LOC400499: variants seen among roughly 807,000 people sequenced by gnomAD.
chr16:11,403,808 G>A, the LOC400499 span, among the ~76,000 whole-genome samples: 2 of 151,522 alleles, frequency 1.3e-5, no homozygotes, highest in Non-Finnish European at 3.0e-5. Context: ...TGTTGGCGCT[G>A]TGTCGGCACT....
At chr16:11,439,552 G>A in the LOC400499 span, 84 of 399,192 alleles carry the variant, frequency 2.1e-4, no homozygotes, top group African/African-American at 1.5e-3. Flanking sequence ...ATGCAAAGTC[G>A]GAGTCAGATC....
chr16:11,412,836 C>G, the LOC400499 span: 1 of 399,126 alleles, frequency 2.5e-6, no homozygotes, highest in Non-Finnish European at 4.4e-6. Flanking sequence ...GGGGGCCCCC[C>G]TCACCTGACT....
chr16:11,396,403 T>C, the LOC400499 span: 2 of 1,069,818 alleles, frequency 1.9e-6, no homozygotes, highest in Non-Finnish European at 2.4e-6. Flanking sequence ...AGATAGCCAC[T>C]AGATGGCGGG....
chr16:11,373,529 G>T, the LOC400499 span, among the ~76,000 whole-genome samples: 1 of 151,418 alleles, frequency 6.6e-6, no homozygotes, highest in Non-Finnish European at 1.5e-5. Flanking sequence ...AGACGGGGTT[G>T]GGCCAGGCTG....
the LOC400499 span, chr16:11,493,751 T>C: frequency 1.3e-5 from 5 of 392,536 alleles, no homozygotes; most frequent in Non-Finnish European, 2.2e-5. Flanking sequence ...GTGAGAGCCA[T>C]GGCTGCCAAG....
the LOC400499 span, chr16:11,435,852 C>A: frequency 1.0e-5 from 4 of 399,158 alleles, no homozygotes; most frequent in Admixed American, 1.8e-4. Context: ...AGGCTGCGCA[C>A]TCTGTAGCGC....
the LOC400499 span, chr16:11,424,395 C>G: frequency 2.5e-6 from 1 of 399,174 alleles, no homozygotes; most frequent in East Asian, 3.6e-5. Flanking sequence ...AGAGACCACT[C>G]ACCCCAGTCC....
the LOC400499 span, among the ~76,000 whole-genome samples, chr16:11,413,137 C>T: frequency 6.6e-6 from 1 of 152,194 alleles, no homozygotes; most frequent in Admixed American, 6.5e-5. Flanking sequence ...GCCCCTATTG[C>T]AGCTCAGGTT....
the LOC400499 span, chr16:11,491,652 C>A: frequency 2.7e-6 from 1 of 363,792 alleles, no homozygotes; most frequent in Non-Finnish European, 4.9e-6. Flanking sequence ...GGTGCCCTCC[C>A]AGCCCCACCC....
At chr16:11,401,577 A>G in the LOC400499 span, among the ~76,000 whole-genome samples, 1 of 152,232 alleles carries the variant, frequency 6.6e-6, no homozygotes, top group Admixed American at 6.5e-5. Flanking sequence ...TCCATTTCAC[A>G]GAGGAGGAAA....
the LOC400499 span, chr16:11,488,987 C>T: frequency 2.5e-6 from 1 of 396,056 alleles, no homozygotes; most frequent in Admixed American, 4.4e-5. Context: ...CGCACGGGGG[C>T]TTCTCAGGAG....
At chr16:11,428,149 G>T in the LOC400499 span, among the ~76,000 whole-genome samples, 1 of 152,190 alleles carries the variant, frequency 6.6e-6, no homozygotes, top group African/African-American at 2.4e-5. Context: ...CTAAACTAGG[G>T]GTGGATTATT....
chr16:11,413,036 T>A, the LOC400499 span: 1 of 398,048 alleles, frequency 2.5e-6, no homozygotes, highest in Non-Finnish European at 4.4e-6. Flanking sequence ...CCAGCCGAGC[T>A]CTATAGCCCA....
At chr16:11,476,420 G>C in the LOC400499 span, among the ~76,000 whole-genome samples, 2 of 151,978 alleles carry the variant, frequency 1.3e-5, no homozygotes, top group Non-Finnish European at 2.9e-5. Flanking sequence ...GTCCCTGTCA[G>C]ACACGCCCAC....
chr16:11,462,275 C>A, the LOC400499 span: 25 of 1,511,050 alleles, frequency 1.7e-5, no homozygotes, highest in Non-Finnish European at 2.2e-5. Context: ...AGCCTCGCCA[C>A]CCATGGCTGG....
the LOC400499 span, chr16:11,514,500 G>T: frequency 2.5e-6 from 1 of 399,642 alleles, no homozygotes; most frequent in East Asian, 3.6e-5. Context: ...ACTCCGGCCC[G>T]GAAGCTCTGG....
chr16:11,469,541 G>A, the LOC400499 span: 4 of 399,070 alleles, frequency 1.0e-5, no homozygotes, highest in Non-Finnish European at 1.8e-5. Context: ...GGATGGAGAA[G>A]CTTGAGCCGG....
chr16:11,383,794 G>A, the LOC400499 span: 1 of 1,232,170 alleles, frequency 8.1e-7, no homozygotes, highest in South Asian at 4.1e-5. Context: ...CTGAAATCAG[G>A]GACACCGAGT....
chr16:11,411,525 G>C, the LOC400499 span, among the ~76,000 whole-genome samples: 1 of 152,212 alleles, frequency 6.6e-6, no homozygotes, highest in Non-Finnish European at 1.5e-5. Context: ...CTGGACTCTG[G>C]AGCCAAGTTA....
Sources: allele counts gnomAD v4.1 joint callset (sites outside exome capture counted in the v4.1 genomes callset), GRCh38; gene constraint gnomAD v4.1.1; transcripts MANE v1.5.